The following MMEL1 variants were observed in gnomAD, a reference collection of about 807,000 sequenced individuals.
MMEL1 encodes the protein membrane metallo-endopeptidase-like 1.
In MMEL1, 98 loss-of-function variants were observed where a neutral mutation model predicts 117.1. The ratio of observed to expected loss-of-function variants is 0.84; its 90% CI spans 0.71 to 0.99. MMEL1 has a LOEUF of 0.99. Among genes scored for constraint, MMEL1 ranks in the 50% least tolerant of loss-of-function variants. The probability of loss-of-function intolerance (pLI) is 0.00; values close to 1 mark genes in which losing one functional copy is unlikely to be tolerated. For synonymous variants in MMEL1, 390 were observed against 415.1 expected (o/e 0.94, Z 0.74); for missense variants, 1,014 against 1,049.1 (o/e 0.97, Z 0.46).
At position 2,595,299 on chromosome 1, in the gene MMEL1, G is replaced by A. The variant is rs745908222; in HGVS notation, c.1561C>T (p.Arg521Cys). 1.5e-5 allele frequency: 25 copies of A among 1,613,780 alleles called. No individual in the cohort carries two copies. The highest frequency in any genetic ancestry group is 4.5e-5 in the East Asian group (2 of 44,858). The stretch of plus-strand genomic sequence containing the variant: ...ACATTGGAGTACTCCTCGTCCAGGC[G>A]CCTGTTCATCTCCTCCAGGATGTAG... Reference protein sequence around the residue: ...PDYILEEMNRRLDEEYSNLNF... With the variant: ...PDYILEEMNRCLDEEYSNLNF... Residue 521 changes from arginine (R) to cysteine (C), a missense_variant, in exon 16 of 24, where the codon CGC becomes TGC. Arg to Cys is a radical substitution (Grantham distance 180, BLOSUM62 -3). Transcript: ENST00000378412. This position sits in a 1 kb window ranked among gnomAD's most constrained non-coding sequence, Gnocchi z 4.8.
At chr1:2,591,849 G>T in intron 22 of MMEL1, 83 bp downstream of exon 22, 1 of 1,387,308 alleles carries the variant, frequency 7.2e-7, no homozygotes, top group Non-Finnish European at 1.0e-6. Context: ...CTGGGCTCTG[G>T]TCCCTGGAGG....
intron 8 of MMEL1, 109 bp from the exon 9 acceptor site, chr1:2,605,732 C>T: frequency 7.6e-6 from 6 of 786,310 alleles, no homozygotes; most frequent in Non-Finnish European, 1.0e-5. Context: ...TGCACACGTG[C>T]TCTGCCCAGG....
chr1:2,605,642 T>C lies in MMEL1; in HGVS notation c.751-19A>G. On this transcript the variant is annotated intron_variant, in intron 8 of 23. Transcript: ENST00000378412. ...GGTCTATCTGGAAATACAGAAGGTGTGACCCTGGGCAAGGGGCCCGGGGTC... is the reference window on the plus strand; with the variant it reads ...GGTCTATCTGGAAATACAGAAGGTGCGACCCTGGGCAAGGGGCCCGGGGTC... 4 of 1,608,086 alleles carry C rather than the reference T, an allele frequency of 2.5e-6. No individual in the cohort carries two copies. In the Middle Eastern group the frequency reaches 5.0e-4, roughly 199 times the overall value.
chr1:2,612,204 C>A lies in MMEL1; in HGVS notation c.155G>T (p.Gly52Val). 6.4e-7 allele frequency: 1 copy of A among 1,567,662 alleles called. No homozygotes were observed. The highest frequency in any genetic ancestry group is 8.7e-7 in the Non-Finnish European group (1 of 1,155,256). Residue 52 changes from glycine (G) to valine (V), a missense_variant and splice_region_variant, in exon 3 of 24, where the codon GGG becomes GTG. By Grantham distance (109) the Gly-to-Val change is moderately radical (BLOSUM62 -3). Coordinates refer to ENST00000378412, the MANE Select transcript of MMEL1 (RefSeq NM_033467.4). The surrounding 1 kb of genome is among the most constrained non-coding windows in gnomAD (Gnocchi z 5.4). ...GCTAGCAAGGCGTGGCAGCTGCTTCCCTGGGGAGAAACACAGCGCTCAGCT... is the reference window on the plus strand; with the variant it reads ...GCTAGCAAGGCGTGGCAGCTGCTTCACTGGGGAGAAACACAGCGCTCAGCT... ...ALGVLYADRR[G>V]KQLPRLASRL...
intron 6 of MMEL1, among the ~76,000 whole-genome samples, chr1:2,607,462 G>A (rs974958855): frequency 2.6e-5 from 4 of 151,730 alleles, no homozygotes; most frequent in Admixed American, 2.6e-4. Context: ...GACTCAGGCA[G>A]CGGTGGGTGG....
intron 2 of MMEL1, among the ~76,000 whole-genome samples, chr1:2,622,883 CAAAAAAAA>C (rs60522932): frequency 9.6e-6 from 1 of 104,088 alleles, no homozygotes; most frequent in Admixed American, 9.6e-5. Context: ...AACTCTGTCT[CAAAAAAAA>C]AAAAAAAAAA....
At chr1:2,622,201 A>C (rs1342865261) in intron 2 of MMEL1, among the ~76,000 whole-genome samples, 2 of 152,318 alleles carry the variant, frequency 1.3e-5, no homozygotes, top group South Asian at 2.1e-4. Context: ...GATTTGTAAC[A>C]ATTTCCCCAG....
At chr1:2,616,548 A>G (rs1310226247) in intron 2 of MMEL1, among the ~76,000 whole-genome samples, 1 of 152,214 alleles carries the variant, frequency 6.6e-6, no homozygotes, top group African/African-American at 2.4e-5. Context: ...AAAGTGAAAT[A>G]AAGACATTTT....
intron 9 of MMEL1, 49 bp from the exon 10 acceptor site, chr1:2,604,330 C>A: frequency 1.2e-6 from 2 of 1,600,158 alleles, no homozygotes; most frequent in South Asian, 1.1e-5. Context: ...GCCACCATGG[C>A]CCCCAGGGAG....
intron 2 of MMEL1, among the ~76,000 whole-genome samples, chr1:2,624,518 G>A (rs1306349899): frequency 6.6e-6 from 1 of 152,184 alleles, no homozygotes; most frequent in East Asian, 1.9e-4. Context: ...ACCAAATGGT[G>A]CAATGTATTA....
At chr1:2,596,513 C>T in intron 14 of MMEL1, 48 bp downstream of exon 14, 1 of 1,591,634 alleles carries the variant, frequency 6.3e-7, no homozygotes, top group Non-Finnish European at 8.5e-7. Context: ...GGCTCGGTGT[C>T]CCTGTGGAAG....
intron 6 of MMEL1, among the ~76,000 whole-genome samples, chr1:2,607,767 G>A (rs1238245494): frequency 1.3e-5 from 2 of 152,204 alleles, no homozygotes; most frequent in African/African-American, 4.8e-5. Context: ...GGGGCTGCTG[G>A]CCTGGGGAGG....
rs376235676 is a variant in MMEL1 at position 2,592,869 on chromosome 1, G to C, written c.1965C>G (p.Tyr655Ter). 2.5e-6 allele frequency: 4 copies of C among 1,613,746 alleles called. No homozygotes were observed. Among genetic ancestry groups the C allele is most frequent in the Admixed American group, 3.3e-5 (2 of 59,994 alleles). Residue 655 changes from tyrosine (Y) to a stop codon, truncating the protein, a stop_gained, in exon 20 of 24, where the codon TAC becomes TAG. Coordinates refer to ENST00000378412, the MANE Select transcript of MMEL1 (RefSeq NM_033467.4). LOFTEE classifies it high-confidence loss of function. ...CTGCCAGGTCCCAGGAGTAGTTGCC[G>C]TACTGGTAGATCATGCACTCTGACT... The part of the protein sequence containing the change: ...REQSECMIYQ[Y>*]GNYSWDLADE...
chr1:2,603,357 T>G (rs1644965557), intron 11 of MMEL1, among the ~76,000 whole-genome samples: 1 of 151,514 alleles, frequency 6.6e-6, no homozygotes, highest in Non-Finnish European at 1.5e-5. Flanking sequence ...GCTGAGGGAG[T>G]GGGGGACTTG....
intron 2 of MMEL1, among the ~76,000 whole-genome samples, chr1:2,618,979 G>A (rs1645248077): frequency 6.6e-6 from 1 of 152,144 alleles, no homozygotes; most frequent in Non-Finnish European, 1.5e-5. Context: ...CCACAAAAGG[G>A]ACAAATTATT....
intron 2 of MMEL1, among the ~76,000 whole-genome samples, chr1:2,618,286 G>T (rs535206814): frequency 1.3e-5 from 2 of 152,148 alleles, no homozygotes; most frequent in South Asian, 4.1e-4. Context: ...CTTGCCATAT[G>T]ACCTGCATGC....
intron 1 of MMEL1, among the ~76,000 whole-genome samples, chr1:2,630,864 T>C (rs1363062932): frequency 6.6e-6 from 1 of 151,048 alleles, no homozygotes; most frequent in Non-Finnish European, 1.5e-5. Context: ...GCGTGTACTC[T>C]CGTGTGTGCA....
intron 17 of MMEL1, 106 bp from the exon 18 acceptor site, chr1:2,594,549 G>A: frequency 2.2e-6 from 3 of 1,354,904 alleles, no homozygotes; most frequent in South Asian, 2.5e-5. Context: ...ACCAGAGCAA[G>A]GGCCCAGGCC....
Position 2,595,480 on chromosome 1 carries a change from C to A in MMEL1, c.1501-121G>T. 1.2e-6 allele frequency: 1 copy of A among 812,068 alleles called. No homozygotes were observed. The highest frequency in any genetic ancestry group is 2.1e-6 in the Non-Finnish European group (1 of 481,662). The allele number at this position is 812,068 out of a possible 1,614,324, so 50.3% of individuals were successfully genotyped here. A position where few individuals can be genotyped will look rare whatever the true frequency, so the allele number is the denominator to read the frequency against. ...GCCCGGGGCATCCTGGCTGTGCTCT[C>A]CCTGTCCTGTGGTGAGGGGCTGGGG... On this transcript the variant is annotated intron_variant, in intron 15 of 23. Coordinates refer to ENST00000378412, the MANE Select transcript of MMEL1 (RefSeq NM_033467.4). The surrounding 1 kb of genome is among the most constrained non-coding windows in gnomAD (Gnocchi z 4.8).
Sources: allele counts gnomAD v4.1 joint callset (sites outside exome capture counted in the v4.1 genomes callset), GRCh38; gene constraint gnomAD v4.1.1; non-coding constraint Gnocchi (gnomAD v3.1); transcripts MANE v1.5; gene names NCBI Gene and HGNC (gene_info 2026-07-23, HGNC 2026-07-21).